MYO9A: variants seen among roughly 807,000 people sequenced by gnomAD.
MYO9A encodes unconventional myosin-IXa.
A neutral mutation model predicts 293.3 loss-of-function variants in MYO9A; 103 were observed. That is an observed-to-expected ratio of 0.35 (90% CI 0.30 to 0.41). The LOEUF (loss-of-function observed/expected upper bound fraction) is 0.41. MYO9A is among the 10% of genes least tolerant of loss of function. The pLI, the probability that MYO9A is intolerant of heterozygous loss-of-function variation, is 1.00. For synonymous variants in MYO9A, 1,001 were observed against 1,035.7 expected (o/e 0.97, Z 0.64); for missense variants, 2,685 against 3,033.0 (o/e 0.89, Z 2.69).
At chr15:71,869,677 G>T (rs1443333044) in intron 32 of MYO9A, among the ~76,000 whole-genome samples, 1 of 152,066 alleles carries the variant, frequency 6.6e-6, no homozygotes, top group Non-Finnish European at 1.5e-5. Context: ...GGAGAGGAGG[G>T]AATGGAAGGA....
chr15:71,910,095 T>G (rs1287856863), intron 19 of MYO9A, among the ~76,000 whole-genome samples: 1 of 146,470 alleles, frequency 6.8e-6, no homozygotes, highest in Non-Finnish European at 1.5e-5. Flanking sequence ...CACGTATATA[T>G]ATATACGTAT....
intron 30 of MYO9A, 125 bp from the exon 31 acceptor site, chr15:71,878,356 G>A (rs2056758751): frequency 4.9e-6 from 3 of 611,718 alleles, no homozygotes; most frequent in Non-Finnish European, 7.6e-6. Flanking sequence ...AATTTCTAAT[G>A]AGCATGCCCA....
At chr15:71,997,740 TAGAG>T (rs2076739894) in intron 9 of MYO9A, among the ~76,000 whole-genome samples, 1 of 152,088 alleles carries the variant, frequency 6.6e-6, no homozygotes, top group Non-Finnish European at 1.5e-5. Context: ...GTGTGGTCAT[TAGAG>T]AAACGCAAAT....
At chr15:71,984,617 T>G (rs2076363221) in intron 11 of MYO9A, among the ~76,000 whole-genome samples, 1 of 152,186 alleles carries the variant, frequency 6.6e-6, no homozygotes, top group Non-Finnish European at 1.5e-5. Flanking sequence ...AGAGTATAAG[T>G]CTCTTTCTTA....
chr15:71,906,758 C>CTTTCTTTT lies in MYO9A; in HGVS notation c.2686-1753_2686-1752insAAAAGAAA, dbSNP rs765264146. 1.6e-3 allele frequency among the ~76,000 whole-genome samples: 100 copies of CTTTCTTTT among 60,998 alleles called. 7 individuals are homozygous for CTTTCTTTT. Among genetic ancestry groups the CTTTCTTTT allele is most frequent in the East Asian group, 4.8e-3 (14 of 2,894 alleles). The allele number at this position is 60,998 out of a possible 152,430, so 40.0% of individuals were successfully genotyped here. On this transcript the variant is annotated intron_variant, in intron 19 of 41. Transcript: ENST00000356056. ...CCAATCAGATAATATCCATTTCTTT[C>CTTTCTTTT]TTTTTTTTTTTTTTTTTTTTCCTGA... is the stretch of plus-strand genomic sequence containing the variant.
chr15:72,003,138 G>A (rs1365837705), intron 8 of MYO9A, among the ~76,000 whole-genome samples: 1 of 151,716 alleles, frequency 6.6e-6, no homozygotes, highest in East Asian at 1.9e-4. Context: ...GTGTGGTGGT[G>A]TATGCCTGTA....
chr15:71,828,116 C>T (rs2054583815), intron 40 of MYO9A, 90 bp from the exon 41 acceptor site: 1 of 1,443,374 alleles, frequency 6.9e-7, no homozygotes. Flanking sequence ...AGTCAGGAAT[C>T]TAAGAAGCAA....
intron 18 of MYO9A, among the ~76,000 whole-genome samples, chr15:71,929,476 A>C (rs2145602070): frequency 6.6e-6 from 1 of 152,254 alleles, no homozygotes; most frequent in South Asian, 2.1e-4. Context: ...TCTATACCTA[A>C]TTCGTTGAGC....
intron 39 of MYO9A, among the ~76,000 whole-genome samples, chr15:71,831,308 T>C (rs1216779044): frequency 6.6e-6 from 1 of 152,238 alleles, no homozygotes; most frequent in African/African-American, 2.4e-5. Context: ...CATTAATTTA[T>C]TGTTTATTGC....
At chr15:72,070,825 T>C (rs1393482235) in intron 1 of MYO9A, among the ~76,000 whole-genome samples, 1 of 152,192 alleles carries the variant, frequency 6.6e-6, no homozygotes, top group African/African-American at 2.4e-5. Context: ...ATTCAATAAA[T>C]GCTGCTGGAA....
chr15:72,031,468 T>C (rs1457193209), intron 3 of MYO9A, among the ~76,000 whole-genome samples: 1 of 152,056 alleles, frequency 6.6e-6, no homozygotes, highest in African/African-American at 2.4e-5. Flanking sequence ...CCTGGGCAAC[T>C]GAGTGAGACC....
chr15:71,948,510 G>C (rs944681042), intron 15 of MYO9A, among the ~76,000 whole-genome samples: 2 of 152,104 alleles, frequency 1.3e-5, no homozygotes, highest in Non-Finnish European at 2.9e-5. Context: ...AGCTTTATTG[G>C]AACACAGCTA....
intron 1 of MYO9A, among the ~76,000 whole-genome samples, chr15:72,096,466 C>A (rs1021989496): frequency 3.9e-5 from 6 of 152,194 alleles, no homozygotes; most frequent in Non-Finnish European, 7.3e-5. Flanking sequence ...ACCGTTGAGA[C>A]CTACTGCTCA....
At chr15:72,047,622 A>G (rs2149712454) in intron 1 of MYO9A, among the ~76,000 whole-genome samples, 1 of 152,118 alleles carries the variant, frequency 6.6e-6, no homozygotes, top group South Asian at 2.1e-4. Context: ...AGGGCTGATA[A>G]AACCTGTTTC....
chr15:71,867,798 TCACACACACACA>T (rs57300333), intron 32 of MYO9A, among the ~76,000 whole-genome samples: 3,493 of 127,608 alleles, frequency 0.027, 144 homozygotes, highest in African/African-American at 0.093. Flanking sequence ...TGGGAATCCA[TCACACACACACA>T]CACACACACA....
intron 23 of MYO9A, 24 bp downstream of exon 23, chr15:71,901,167 T>C (rs768113946): frequency 1.9e-6 from 3 of 1,597,298 alleles, no homozygotes; most frequent in African/African-American, 1.3e-5. Flanking sequence ...GTCAATCTCA[T>C]GCAAAGAATC....
intron 26 of MYO9A, chr15:71,892,008 G>A (rs188567012): frequency 6.6e-6 from 1 of 152,198 alleles, no homozygotes; most frequent in East Asian, 1.9e-4. Context: ...AGATATGTAT[G>A]GAAATAAAAT....
At chr15:72,027,862 A>T in intron 3 of MYO9A, 69 bp from the exon 4 acceptor site, 1 of 1,156,770 alleles carries the variant, frequency 8.6e-7, no homozygotes. Context: ...ATATTTGGAG[A>T]CAGTGTAAAA....
rs117500002 is a variant in MYO9A at position 71,897,667 on chromosome 15, G to A, written c.4836C>T (p.Cys1612=). 4,393 of 1,614,104 alleles carry A rather than the reference G, an allele frequency of 2.7e-3. 4 individuals carry two copies. The highest frequency in any genetic ancestry group is 3.4e-3 in the Non-Finnish European group (4,034 of 1,180,016). Residue 1612 remains cysteine, a synonymous_variant, in exon 25 of 42, where the codon TGC becomes TGT. Transcript: ENST00000356056. ...TVFFERKGSP[C]QSSTVKELSK... ...ATAATTCCTTGACAGTACTAGATTG[G>A]CATGGACTTCCTTTTCTTTCAAAGA...
Sources: gnomAD v4.1 joint callset for allele counts (sites outside exome capture counted in the v4.1 genomes callset) on GRCh38, gnomAD v4.1.1 for gene constraint, MANE v1.5 for transcripts, NCBI Gene and HGNC (gene_info 2026-07-23, HGNC 2026-07-21) for gene names.